The following TBC1D4 variants were observed in gnomAD, a reference collection of about 807,000 sequenced individuals.
The protein encoded by TBC1D4 is TBC1 domain family member 4, also known as TBC (Tre-2, BUB2, CDC16) domain-containing protein.
Under a neutral mutation model 142.5 loss-of-function variants are expected in TBC1D4, and 121 were observed. The ratio of observed to expected loss-of-function variants is 0.85; its 90% CI spans 0.73 to 0.99. TBC1D4 has a LOEUF of 0.99. TBC1D4 is among the 50% of genes least tolerant of loss of function. TBC1D4 has a pLI of 0.00. For synonymous variants in TBC1D4, 630 were observed against 628.2 expected (o/e 1.00, Z -0.04); for missense variants, 1,475 against 1,606.6 (o/e 0.92, Z 1.40).
In TBC1D4 at chr13:75,284,744, T is replaced by C. The variant is rs534764836; in HGVS notation, c.*2048A>G. 2.4e-4 allele frequency: 37 copies of C among 152,322 alleles called. No individual in the cohort carries two copies. Among genetic ancestry groups the C allele is most frequent in the African/African-American group, 8.7e-4 (36 of 41,580 alleles). 9.4% of individuals were successfully genotyped at this position (152,322 alleles called of 1,614,324 possible). ...AACCTGATGAAGATGTAACGATGCA[T>C]GAAGCATAACTGGTGCAACATTTTT... is the stretch of plus-strand genomic sequence containing the variant. On this transcript the variant is annotated 3_prime_UTR_variant, in exon 21 of 21. Transcript: ENST00000377636.
intron 4 of TBC1D4, among the ~76,000 whole-genome samples, chr13:75,352,942 A>G (rs537618493): frequency 3.3e-4 from 51 of 152,308 alleles, no homozygotes; most frequent in African/African-American, 1.2e-3. Context: ...GCCATCCTCT[A>G]TTATGAAGGA....
intron 14 of TBC1D4, among the ~76,000 whole-genome samples, chr13:75,307,717 C>G (rs1157786620): frequency 1.3e-5 from 2 of 152,152 alleles, no homozygotes; most frequent in Non-Finnish European, 2.9e-5. Context: ...GTTATTCAAG[C>G]AAGGCAGTAA....
intron 1 of TBC1D4, among the ~76,000 whole-genome samples, chr13:75,453,055 C>T (rs1217240040): frequency 6.6e-6 from 1 of 152,106 alleles, no homozygotes; most frequent in Non-Finnish European, 1.5e-5. Context: ...AAATTATTTT[C>T]AAATGCATTA....
rs1490621339 is a variant in TBC1D4, at chr13:75,481,385, C to G, written c.383G>C (p.Arg128Pro). 2 of 1,613,794 alleles carry G rather than the reference C, an allele frequency of 1.2e-6. No individual in the cohort carries two copies. The highest frequency in any genetic ancestry group is 1.3e-5 in the African/African-American group (1 of 74,902). The change falls in exon 1 of 21, where the codon CGC becomes CCC. Residue 128 changes from arginine to proline, a missense_variant. Around this residue, in one of 2 missense-constraint regions of TBC1D4, gnomAD observed 1,227 missense variants for 1,267.7 expected, o/e 0.97. Transcript: ENST00000377636. ...IFEHKAQHISRFIHNSHDLTY... is the reference protein window; with the variant it reads ...IFEHKAQHISPFIHNSHDLTY... Reference sequence around the variant, plus strand: ...GAGGTCGTGGCTGTTGTGGATGAAGCGCGAGATATGCTGCGCCTTGTGCTC... The same window carrying G: ...GAGGTCGTGGCTGTTGTGGATGAAGGGCGAGATATGCTGCGCCTTGTGCTC...
intron 1 of TBC1D4, among the ~76,000 whole-genome samples, chr13:75,371,687 G>A (rs2138213214): frequency 6.6e-6 from 1 of 152,222 alleles, no homozygotes; most frequent in East Asian, 1.9e-4. Flanking sequence ...ACCCCTACAT[G>A]GCATCAAGTA....
At chr13:75,437,506 G>C (rs534090311) in intron 1 of TBC1D4, among the ~76,000 whole-genome samples, 2 of 152,070 alleles carry the variant, frequency 1.3e-5, no homozygotes, top group East Asian at 3.9e-4. Context: ...AAACAAAAAG[G>C]TTTCTTAAAT....
chr13:75,306,186 T>C (rs1877162592), intron 15 of TBC1D4, 127 bp downstream of exon 15: 1 of 890,964 alleles, frequency 1.1e-6, no homozygotes. Context: ...TACTTCTCTT[T>C]TTTTACTAAG....
intron 18 of TBC1D4, among the ~76,000 whole-genome samples, chr13:75,292,724 TAAAAAA>T (rs11292930): frequency 5.0e-5 from 7 of 141,290 alleles, no homozygotes; most frequent in Non-Finnish European, 7.8e-5. Context: ...ACCAGGAAAT[TAAAAAA>T]AAAAAAACAT....
intron 8 of TBC1D4, among the ~76,000 whole-genome samples, chr13:75,334,278 C>G (rs982771207): frequency 6.6e-6 from 1 of 151,958 alleles, no homozygotes; most frequent in African/African-American, 2.4e-5. Flanking sequence ...GACACGTCAC[C>G]ATTTTTCTTT....
chr13:75,480,623 C>T, intron 1 of TBC1D4, among the ~76,000 whole-genome samples: 1 of 152,260 alleles, frequency 6.6e-6, no homozygotes, highest in East Asian at 1.9e-4. Context: ...TGTTTAAAAA[C>T]CGCAAAAAAA....
At chr13:75,299,723 T>C (rs2137877578) in intron 16 of TBC1D4, 149 bp from the exon 17 acceptor site, 1 of 938,232 alleles carries the variant, frequency 1.1e-6, no homozygotes, top group South Asian at 1.5e-5. Flanking sequence ...TAACTAAGAG[T>C]CTCTCCCTCT....
intron 1 of TBC1D4, among the ~76,000 whole-genome samples, chr13:75,467,586 T>C (rs1888218459): frequency 1.3e-5 from 2 of 152,150 alleles, no homozygotes; most frequent in Admixed American, 1.3e-4. Context: ...GAAAAGGCCC[T>C]TTTGAGGAAG....
At chr13:75,328,144 A>T (rs774630803) in intron 8 of TBC1D4, among the ~76,000 whole-genome samples, 12 of 152,222 alleles carry the variant, frequency 7.9e-5, no homozygotes, top group Non-Finnish European at 1.6e-4. Flanking sequence ...TCTCAGATTC[A>T]AATATGGAAG....
chr13:75,310,298 T>C (rs1263713807), intron 13 of TBC1D4, 147 bp from the exon 14 acceptor site: 5 of 792,828 alleles, frequency 6.3e-6, no homozygotes, highest in Non-Finnish European at 1.1e-5. Flanking sequence ...GCAGCTAATA[T>C]TTAAGTAAAT....
intron 1 of TBC1D4, among the ~76,000 whole-genome samples, chr13:75,435,413 T>C (rs1225554024): frequency 6.6e-6 from 1 of 151,334 alleles, no homozygotes; most frequent in Middle Eastern, 3.2e-3. Context: ...AAGAGAAATA[T>C]ATGATTCAGT....
chr13:75,335,431 A>G (rs970583533), intron 8 of TBC1D4, among the ~76,000 whole-genome samples: 3 of 152,196 alleles, frequency 2.0e-5, no homozygotes, highest in Non-Finnish European at 4.4e-5. Flanking sequence ...TGGAATATAT[A>G]TACTTACTAA....
chr13:75,313,594 T>C (rs575842079), intron 12 of TBC1D4, among the ~76,000 whole-genome samples: 15 of 152,340 alleles, frequency 9.8e-5, no homozygotes, highest in African/African-American at 3.6e-4. Flanking sequence ...CAATCACAGC[T>C]CATTGCAGCC....
At chr13:75,309,414 AAAT>A (rs1413991145) in intron 14 of TBC1D4, among the ~76,000 whole-genome samples, 1 of 152,160 alleles carries the variant, frequency 6.6e-6, no homozygotes, top group Non-Finnish European at 1.5e-5. Context: ...CATTAACAAA[AAAT>A]AGGAATAGGT....
chr13:75,469,666 T>TTGGGAG (rs1260584944), intron 1 of TBC1D4, among the ~76,000 whole-genome samples: 1 of 152,052 alleles, frequency 6.6e-6, no homozygotes, highest in Non-Finnish European at 1.5e-5. Context: ...TCTCAGCTAC[T>TTGGGAG]TGGGAGGCTG....
Sources: allele counts gnomAD v4.1 joint callset (sites outside exome capture counted in the v4.1 genomes callset), GRCh38; gene constraint gnomAD v4.1.1; regional missense constraint gnomAD v4.1.1; transcripts MANE v1.5; gene names NCBI Gene and HGNC (gene_info 2026-07-23, HGNC 2026-07-21).